Variants in FSIP2 observed in about 807,000 individuals in gnomAD.
FSIP2 encodes the protein fibrous sheath interacting protein 2.
FSIP2 carries 367 observed loss-of-function variants against 510.5 expected under a neutral mutation model. That is an observed-to-expected ratio of 0.72 (90% CI 0.66 to 0.78). The LOEUF is 0.78. Among genes scored for constraint, FSIP2 ranks in the 30% least tolerant of loss-of-function variants. The pLI, the probability that FSIP2 is intolerant of heterozygous loss-of-function variation, is 0.00. For synonymous variants in FSIP2, 2,601 were observed against 2,732.2 expected, an observed-to-expected ratio of 0.95 and a Z score of 1.50; for missense variants, 7,594 against 7,901.7, an observed-to-expected ratio of 0.96 and a Z score of 1.48.
chr2:185,822,021 T>A (rs1044462840), intron 19 of FSIP2, among the ~76,000 whole-genome samples: 5 of 151,830 alleles, frequency 3.3e-5, no homozygotes, highest in Admixed American at 3.3e-4. Flanking sequence ...GTTAAATAGT[T>A]TACATGGATA....
At position 185,738,964 on chromosome 2, in the gene FSIP2, C is replaced by T; in HGVS notation, c.70C>T (p.Leu24=). The change falls in exon 1 of 23, where the codon CTG becomes TTG. Residue 24 remains leucine (L), a synonymous_variant. Transcript: ENST00000424728. ...VAVTKTVASV[L]AADTQQCRDG... ...CGTCACCAAGACGGTCGCCAGCGTC[C>T]TGGCCGCGGACACCCAGCAGTGCAG... The T allele has an allele frequency of 6.5e-7, 1 of 1,533,772 alleles. No homozygotes were observed. The highest frequency in any genetic ancestry group is 1.2e-5 in the South Asian group (1 of 83,954).
At chr2:185,770,466 C>T (rs1692584853) in intron 13 of FSIP2, among the ~76,000 whole-genome samples, 1 of 152,110 alleles carries the variant, frequency 6.6e-6, no homozygotes, top group Admixed American at 6.6e-5. Context: ...AGGCATATCA[C>T]ATGGTGAGAA....
intron 13 of FSIP2, among the ~76,000 whole-genome samples, chr2:185,775,736 T>C (rs1692702695): frequency 1.3e-5 from 2 of 152,310 alleles, no homozygotes; most frequent in Non-Finnish European, 2.9e-5. Flanking sequence ...CAATCTCGGC[T>C]CACTGCAACC....
chr2:185,806,678 T>C lies in FSIP2; in HGVS notation c.17372T>C (p.Ile5791Thr). The C allele has an allele frequency of 6.2e-7, 1 of 1,602,812 alleles. No individual in the cohort carries two copies. The highest frequency in any genetic ancestry group is 1.1e-5 in the South Asian group (1 of 88,730). ...IFPAKFLEDV[I>T]TEMVKQLIFS... The stretch of plus-strand genomic sequence containing the variant: ...CCCGCTAAGTTTTTAGAAGATGTTA[T>C]TACTGAGATGGTTAAACAATTGATC... The change falls in exon 17 of 23, where the codon ATT becomes ACT. Residue 5791 changes from isoleucine to threonine, a missense_variant. Ile to Thr is a moderately conservative substitution (Grantham distance 89, BLOSUM62 -1). Coordinates refer to ENST00000424728, the MANE Select transcript of FSIP2 (RefSeq NM_173651.4).
At chr2:185,822,634 C>T (rs1693945070) in intron 19 of FSIP2, among the ~76,000 whole-genome samples, 1 of 151,758 alleles carries the variant, frequency 6.6e-6, no homozygotes, top group South Asian at 2.1e-4. Context: ...GTTAATTCTA[C>T]TCAAAGTAAT....
chr2:185,765,064 T>C (rs1047041347), intron 13 of FSIP2: 3 of 152,030 alleles, frequency 2.0e-5, no homozygotes, highest in Admixed American at 6.6e-5. Context: ...TAAAACTGTA[T>C]ATATTGACGG....
At position 185,793,619 on chromosome 2, in the gene FSIP2, T is replaced by C; in HGVS notation, c.6483T>C (p.Asn2161=). 2.0e-6 allele frequency: 3 copies of C among 1,534,296 alleles called. No homozygotes were observed. The highest frequency in any genetic ancestry group is 2.6e-6 in the Non-Finnish European group (3 of 1,145,494). ...TTTTGATATCCAATGATATAGTGAATATTGTTCTTCATAATCTCAGTTCTG... is the reference window on the plus strand; with the variant it reads ...TTTTGATATCCAATGATATAGTGAACATTGTTCTTCATAATCTCAGTTCTG... ...DVILISNDIV[N]IVLHNLSSAA... Residue 2161 remains asparagine, a synonymous_variant, in exon 16 of 23, where the codon AAT becomes AAC. Coordinates refer to ENST00000424728, the MANE Select transcript of FSIP2 (RefSeq NM_173651.4).
intron 7 of FSIP2, among the ~76,000 whole-genome samples, chr2:185,747,745 A>C (rs183083942): frequency 6.6e-6 from 1 of 152,062 alleles, no homozygotes; most frequent in Admixed American, 6.6e-5. Context: ...TTTCCTCACC[A>C]GTTAATTTTA....
Position 185,745,441 on chromosome 2 carries a change from A to G in FSIP2, c.490A>G (p.Lys164Glu). The G allele has an allele frequency of 1.3e-6, 2 of 1,531,132 alleles. No homozygotes were observed. Among genetic ancestry groups the G allele is most frequent in the Non-Finnish European group, 1.7e-6 (2 of 1,143,312 alleles). The allele number at this position is 1,531,132 out of a possible 1,614,324, so 94.8% of individuals were successfully genotyped here. A position where few individuals can be genotyped will look rare whatever the true frequency, so the allele number is the denominator to read the frequency against. ...NYIKEQRILA[K>E]QLHNIPENNQ... Reference sequence around the variant, plus strand: ...ATTTCTTAAATAGAGAATACTTGCAAAACAACTACATAACATACCGGAAAA... The same window carrying G: ...ATTTCTTAAATAGAGAATACTTGCAGAACAACTACATAACATACCGGAAAA... Residue 164 changes from lysine (K) to glutamate (E), a missense_variant, in exon 5 of 23, where the codon AAA becomes GAA. Lys to Glu is a moderately conservative substitution (Grantham distance 56). Transcript: ENST00000424728.
At chr2:185,774,520 T>G (rs1234668575) in intron 13 of FSIP2, among the ~76,000 whole-genome samples, 1 of 152,172 alleles carries the variant, frequency 6.6e-6, no homozygotes. Flanking sequence ...TCTGATTGAT[T>G]ATGGTAAGAA....
chr2:185,779,443 A>G (rs1050732378), intron 13 of FSIP2, among the ~76,000 whole-genome samples: 9 of 152,092 alleles, frequency 5.9e-5, no homozygotes, highest in Non-Finnish European at 1.3e-4. Context: ...TAAGCATACA[A>G]TGTATAGTGA....
chr2:185,800,197 A>T lies in FSIP2; in HGVS notation c.10891A>T (p.Asn3631Tyr). The change falls in exon 17 of 23, where the codon AAC becomes TAC. Residue 3631 changes from asparagine (N) to tyrosine (Y), a missense_variant. By Grantham distance (143) the Asn-to-Tyr change is moderately radical. Transcript: ENST00000424728. ...TTATCACTTTGAAAGCAATGTAAGA[A>T]ACAAATCATTTTCTATGCATAGAAA... ...VDYHFESNVRNKSFSMHRNNS... is the reference protein window; with the variant it reads ...VDYHFESNVRYKSFSMHRNNS... 6.5e-7 allele frequency: 1 copy of T among 1,532,682 alleles called. No individual in the cohort carries two copies. Among genetic ancestry groups the T allele is most frequent in the Non-Finnish European group, 8.7e-7 (1 of 1,145,032 alleles). The allele number at this position is 1,532,682 out of a possible 1,614,324, so 94.9% of individuals were successfully genotyped here. A position where few individuals can be genotyped will look rare whatever the true frequency, so the allele number is the denominator to read the frequency against.
chr2:185,794,068 T>G lies in FSIP2; in HGVS notation c.6932T>G (p.Val2311Gly), dbSNP rs1693208327. 1 of 1,531,636 alleles carries G rather than the reference T, an allele frequency of 6.5e-7. No homozygotes were observed. Among genetic ancestry groups the G allele is most frequent in the Admixed American group, 2.0e-5 (1 of 50,674 alleles). The allele number at this position is 1,531,636 out of a possible 1,614,324, so 94.9% of individuals were successfully genotyped here. A position where few individuals can be genotyped will look rare whatever the true frequency, so the allele number is the denominator to read the frequency against. Residue 2311 changes from valine (V) to glycine (G), a missense_variant, in exon 16 of 23, where the codon GTC becomes GGC. By Grantham distance (109) the Val-to-Gly change is moderately radical (BLOSUM62 -3). Transcript: ENST00000424728. ...DSSQVESDVN[V>G]LKISATETIL... ...AGCCAAGTGGAATCAGATGTAAATG[T>G]CCTGAAAATATCAGCAACTGAAACC...
At chr2:185,749,020 C>T (rs2105537313) in intron 7 of FSIP2, among the ~76,000 whole-genome samples, 1 of 152,124 alleles carries the variant, frequency 6.6e-6, no homozygotes, top group East Asian at 1.9e-4. Flanking sequence ...TTTGGACTCT[C>T]TTCTATTCTT....
chr2:185,829,755 T>C (rs1456000463), intron 21 of FSIP2, among the ~76,000 whole-genome samples: 1 of 151,936 alleles, frequency 6.6e-6, no homozygotes, highest in Non-Finnish European at 1.5e-5. Flanking sequence ...CTGCTTTCTT[T>C]TGTCACTTTA....
intron 17 of FSIP2, 88 bp from the exon 18 acceptor site, chr2:185,813,457 A>C: frequency 1.4e-6 from 1 of 720,450 alleles, no homozygotes. Flanking sequence ...AAAACTAGAA[A>C]TTATAAGAAA....
chr2:185,802,363 A>G lies in FSIP2; in HGVS notation c.13057A>G (p.Ile4353Val), dbSNP rs898206875. ...GCATTTCAATAAAGCTAAAATTCAC[A>G]TTCTCTATGATGACAAAGAACAGGC... The part of the protein sequence containing the change: ...NRHFNKAKIH[I>V]LYDDKEQAFF... The change falls in exon 17 of 23, where the codon ATT becomes GTT. Residue 4353 changes from isoleucine (I) to valine (V), a missense_variant. By Grantham distance (29) the Ile-to-Val change is conservative. Coordinates refer to ENST00000424728, the MANE Select transcript of FSIP2 (RefSeq NM_173651.4). 2.6e-6 allele frequency: 4 copies of G among 1,532,572 alleles called. No individual in the cohort carries two copies. The highest frequency in any genetic ancestry group is 2.4e-5 in the East Asian group (1 of 40,850). 94.9% of individuals were successfully genotyped at this position (1,532,572 alleles called of 1,614,324 possible). A position where few individuals can be genotyped will look rare whatever the true frequency, so the allele number is the denominator to read the frequency against.
rs752898770 is a variant in FSIP2, at chr2:185,797,407, T to C, written c.10271T>C (p.Val3424Ala). 4.6e-6 allele frequency: 7 copies of C among 1,532,090 alleles called. No homozygotes were observed. Among genetic ancestry groups the C allele is most frequent in the African/African-American group, 1.4e-5 (1 of 72,598 alleles). 94.9% of individuals were successfully genotyped at this position (1,532,090 alleles called of 1,614,324 possible). A position where few individuals can be genotyped will look rare whatever the true frequency, so the allele number is the denominator to read the frequency against. The change falls in exon 16 of 23, where the codon GTG becomes GCG. Residue 3424 changes from valine (V) to alanine (A), a missense_variant. Transcript: ENST00000424728. Reference sequence around the variant, plus strand: ...AAGGAGTACCCAAAGATAGAGACTGTGAAGGAAGTTGAAGCCTTTACTTTT... The same window carrying C: ...AAGGAGTACCCAAAGATAGAGACTGCGAAGGAAGTTGAAGCCTTTACTTTT... Reference protein sequence around the residue: ...KKKEYPKIETVKEVEAFTFAD... With the variant: ...KKKEYPKIETAKEVEAFTFAD...
chr2:185,747,521 A>G, intron 7 of FSIP2, 98 bp downstream of exon 7: 1 of 620,280 alleles, frequency 1.6e-6, no homozygotes, highest in Non-Finnish European at 2.8e-6. Flanking sequence ...ACTGTTGCCC[A>G]GTTACTCCAA....
Sources: gnomAD v4.1 joint callset for allele counts (sites outside exome capture counted in the v4.1 genomes callset) on GRCh38, gnomAD v4.1.1 for gene constraint, MANE v1.5 for transcripts, NCBI Gene and HGNC (gene_info 2026-07-23, HGNC 2026-07-21) for gene names.